The following WDR19 variants were observed in gnomAD, a reference collection of about 807,000 sequenced individuals.
WDR19 encodes the protein WD repeat-containing protein 19.
A neutral mutation model predicts 180.0 loss-of-function variants in WDR19; 121 were observed. The ratio of observed to expected loss-of-function variants is 0.67; its 90% CI spans 0.58 to 0.78. WDR19 has a LOEUF of 0.78. Ranked by LOEUF, WDR19 falls within the 30% of genes least tolerant of loss-of-function variation. The pLI is 0.00. For synonymous variants in WDR19, 497 were observed against 540.7 expected (o/e 0.92, Z 1.12); for missense variants, 1,450 against 1,640.7 (o/e 0.88, Z 2.01).
At chr4:39,213,574 G>A (rs1462256101) in intron 9 of WDR19, among the ~76,000 whole-genome samples, 1 of 152,210 alleles carries the variant, frequency 6.6e-6, no homozygotes, top group Non-Finnish European at 1.5e-5. Flanking sequence ...TAGAGATGGA[G>A]CTGGGGTCAG....
intron 31 of WDR19, among the ~76,000 whole-genome samples, chr4:39,270,895 A>ATTTTTT (rs33964549): frequency 7.3e-6 from 1 of 136,936 alleles, no homozygotes; most frequent in African/African-American, 2.7e-5. Flanking sequence ...ATAGAAAAGA[A>ATTTTTT]TTTTTTTTTT....
At chr4:39,199,346 G>A (rs779005034) in intron 5 of WDR19, 132 bp from the exon 6 acceptor site, 1 of 660,524 alleles carries the variant, frequency 1.5e-6, no homozygotes, top group Admixed American at 3.0e-5. Context: ...AAATAAGGTT[G>A]CGTAGACATT....
chr4:39,279,347 A>G (rs1110786), intron 36 of WDR19, among the ~76,000 whole-genome samples: 1 of 152,216 alleles, frequency 6.6e-6, no homozygotes, highest in African/African-American at 2.4e-5. Context: ...GCTCCAGCCA[A>G]CCAGTTGGAC....
chr4:39,214,000 T>G (rs1728799502), intron 9 of WDR19, among the ~76,000 whole-genome samples: 1 of 152,046 alleles, frequency 6.6e-6, no homozygotes, highest in African/African-American at 2.4e-5. Flanking sequence ...AAAAGGAGGT[T>G]AGGAGGAAAG....
chr4:39,246,433 A>G (rs1269121317), intron 24 of WDR19, among the ~76,000 whole-genome samples: 4 of 152,342 alleles, frequency 2.6e-5, no homozygotes, highest in Admixed American at 1.3e-4. Flanking sequence ...TGAGCGACGC[A>G]GAAGACAGGT....
At chr4:39,203,437 C>G (rs1727587503) in intron 6 of WDR19, among the ~76,000 whole-genome samples, 1 of 152,050 alleles carries the variant, frequency 6.6e-6, no homozygotes, top group Admixed American at 6.6e-5. Context: ...GTAAATTTCC[C>G]TTTTCTTCTT....
chr4:39,241,459 A>T (rs1577968400), intron 21 of WDR19, among the ~76,000 whole-genome samples: 1 of 137,330 alleles, frequency 7.3e-6, no homozygotes, highest in Non-Finnish European at 1.5e-5. Context: ...GCGCCATTGC[A>T]CCCCAGCCTG....
intron 32 of WDR19, chr4:39,274,592 A>C: frequency 1.8e-6 from 1 of 554,546 alleles, no homozygotes; most frequent in Non-Finnish European, 3.2e-6. Flanking sequence ...AAGGCAGAAC[A>C]TGGTGTCATC....
Position 39,244,562 on chromosome 4 carries a change from G to T in WDR19, c.2645+10G>T. On this transcript the variant is annotated intron_variant, in intron 23 of 36. Coordinates refer to ENST00000399820, the MANE Select transcript of WDR19 (RefSeq NM_025132.4). ...TCCGCTCTAAGAATTGGTAAGAGCT[G>T]CCTGCGGTTTGTTTCTGAACAGGAT... 6.2e-7 allele frequency: 1 copy of T among 1,613,960 alleles called. No homozygotes were observed. Among genetic ancestry groups the T allele is most frequent in the Non-Finnish European group, 8.5e-7 (1 of 1,179,844 alleles).
rs754469433 is a variant in WDR19 at position 39,182,552 on chromosome 4, G to T, written c.-6G>T. 32 of 1,613,662 alleles carry T rather than the reference G, an allele frequency of 2.0e-5. No homozygotes were observed. Among genetic ancestry groups the T allele is most frequent in the Middle Eastern group, 1.7e-4 (1 of 6,040 alleles). On this transcript the variant is annotated 5_prime_UTR_variant, in exon 1 of 37. Transcript: ENST00000399820. ...TCATAGTTCGCGTAGCGGCTCGAGC[G>T]TGGAGATGAAGGTAAATAACTTACA...
chr4:39,216,737 C>T (rs1038075754), intron 12 of WDR19, among the ~76,000 whole-genome samples: 1 of 151,992 alleles, frequency 6.6e-6, no homozygotes, highest in African/African-American at 2.4e-5. Flanking sequence ...GTTTTTTCTT[C>T]CCCTGCCTCC....
chr4:39,230,213 C>T (rs1730694772), intron 17 of WDR19, among the ~76,000 whole-genome samples: 1 of 152,158 alleles, frequency 6.6e-6, no homozygotes, highest in Non-Finnish European at 1.5e-5. Flanking sequence ...CACTCAAGTC[C>T]CTCTCTGTTC....
At chr4:39,226,526 A>C (rs1394812144) in intron 15 of WDR19, among the ~76,000 whole-genome samples, 1 of 152,240 alleles carries the variant, frequency 6.6e-6, no homozygotes, top group African/African-American at 2.4e-5. Context: ...CATCTATACA[A>C]AGTGAGAATC....
chr4:39,212,518 G>A (rs913298781), intron 9 of WDR19, among the ~76,000 whole-genome samples: 5 of 152,294 alleles, frequency 3.3e-5, no homozygotes, highest in Non-Finnish European at 5.9e-5. Flanking sequence ...ATGGCCGGAC[G>A]CGGTGCCTCA....
intron 4 of WDR19, among the ~76,000 whole-genome samples, chr4:39,191,424 A>T (rs1474084726): frequency 6.6e-6 from 1 of 152,346 alleles, no homozygotes; most frequent in South Asian, 2.1e-4. Context: ...TGAGCACTTC[A>T]AACACCTGAA....
In WDR19 at chr4:39,285,135, T is replaced by C. The variant is rs559967488; in HGVS notation, c.*14-352T>C. Among the ~76,000 whole-genome samples the C allele has an allele frequency of 1.9e-3, 296 of 152,288 alleles. 1 individual carries two copies. Among genetic ancestry groups the C allele is most frequent in the African/African-American group, 6.6e-3 (276 of 41,554 alleles). On this transcript the variant is annotated intron_variant, in intron 36 of 36. Coordinates refer to ENST00000399820, the MANE Select transcript of WDR19 (RefSeq NM_025132.4). Reference sequence around the variant, plus strand: ...TACAGTGAATACTGGTTGAAGCTGTTGTTCACTGGCGTTTAGACAAATATA... The same window carrying C: ...TACAGTGAATACTGGTTGAAGCTGTCGTTCACTGGCGTTTAGACAAATATA...
At chr4:39,280,770 A>G (rs902980705) in intron 36 of WDR19, among the ~76,000 whole-genome samples, 4 of 152,220 alleles carry the variant, frequency 2.6e-5, no homozygotes, top group African/African-American at 9.6e-5. Context: ...CCTGGGCAAC[A>G]TAGCGAGATC....
intron 6 of WDR19, among the ~76,000 whole-genome samples, chr4:39,203,297 G>T (rs1727572035): frequency 6.6e-6 from 1 of 151,776 alleles, no homozygotes; most frequent in Admixed American, 6.6e-5. Context: ...ACTTTGTTTT[G>T]TCTGACTCAA....
At chr4:39,247,721 A>G (rs1039068723) in intron 24 of WDR19, among the ~76,000 whole-genome samples, 14 of 152,258 alleles carry the variant, frequency 9.2e-5, no homozygotes, top group African/African-American at 3.1e-4. Flanking sequence ...AAGCCTCAGT[A>G]ACCGATGTGA....
Sources: gnomAD v4.1 joint callset for allele counts (sites outside exome capture counted in the v4.1 genomes callset) on GRCh38, gnomAD v4.1.1 for gene constraint, MANE v1.5 for transcripts, NCBI Gene and HGNC (gene_info 2026-07-23, HGNC 2026-07-21) for gene names.